Variants in ZNF449 observed in about 807,000 individuals in gnomAD.
ZNF449 encodes the protein zinc finger protein 449, also known as zinc finger and SCAN domain-containing protein 19.
ZNF449 carries 4 observed loss-of-function variants against 32.6 expected under a neutral mutation model. That is an observed-to-expected ratio of 0.12 (90% CI 0.06 to 0.28). The LOEUF (loss-of-function observed/expected upper bound fraction) is 0.28. Among genes scored for constraint, ZNF449 ranks in the 10% least tolerant of loss-of-function variants. ZNF449 has a pLI of 1.00. For synonymous variants in ZNF449, 123 were observed against 132.2 expected (o/e 0.93, Z 0.48); for missense variants, 275 against 383.2 (o/e 0.72, Z 2.36).
intron 3 of ZNF449, among the ~76,000 whole-genome samples, chrX:135,354,368 G>T (rs1340716704): frequency 1.8e-5 from 2 of 112,394 alleles, no homozygotes; most frequent in Admixed American, 1.9e-4. Flanking sequence ...ATATATAAGA[G>T]TAGAGGATGG....
intron 3 of ZNF449, among the ~76,000 whole-genome samples, chrX:135,352,798 C>T (rs1391711711): frequency 1.8e-5 from 2 of 111,701 alleles, no homozygotes; most frequent in African/African-American, 6.5e-5. Context: ...AATGACATTT[C>T]TTGGTGTAGT....
chrX:135,349,952 C>T (rs73557229), intron 3 of ZNF449, among the ~76,000 whole-genome samples: 2,032 of 110,500 alleles, frequency 0.018, 61 homozygotes, highest in African/African-American at 0.063. Context: ...AAAGGCAGCA[C>T]GATCACATAG....
intron 3 of ZNF449, 28 bp from the exon 4 acceptor site, chrX:135,359,864 T>C: frequency 9.3e-7 from 1 of 1,071,668 alleles, no homozygotes; most frequent in South Asian, 1.9e-5. Context: ...AGCCAAACTG[T>C]AATGCTTCCC....
At chrX:135,350,819 G>A (rs1372879387) in intron 3 of ZNF449, among the ~76,000 whole-genome samples, 1 of 112,119 alleles carries the variant, frequency 8.9e-6, no homozygotes, top group East Asian at 2.8e-4. Flanking sequence ...GCTTTTGGCT[G>A]AGAGGGAAGT....
intron 3 of ZNF449, among the ~76,000 whole-genome samples, chrX:135,354,102 GA>G (rs1200948006): frequency 2.7e-5 from 3 of 112,168 alleles, no homozygotes; most frequent in African/African-American, 9.7e-5. Context: ...TAAATTTCTA[GA>G]ATTGGAATTG....
intron 1 of ZNF449, among the ~76,000 whole-genome samples, chrX:135,345,339 G>A (rs1194682762): frequency 8.9e-6 from 1 of 111,935 alleles, no homozygotes; most frequent in African/African-American, 3.3e-5. Context: ...CAATTCCCTG[G>A]TAGACGTGGT....
chrX:135,351,474 G>A (rs2148504355), intron 3 of ZNF449, among the ~76,000 whole-genome samples: 1 of 110,245 alleles, frequency 9.1e-6, no homozygotes, highest in South Asian at 3.9e-4. Flanking sequence ...GGTGGGTCAA[G>A]TTGAGTTTAG....
chrX:135,354,700 C>T (rs782505817), intron 3 of ZNF449, among the ~76,000 whole-genome samples: 1 of 111,405 alleles, frequency 9.0e-6, no homozygotes, highest in Non-Finnish European at 1.9e-5. Context: ...GACAAGGAAC[C>T]AAAGCAAAAG....
At chrX:135,352,126 C>G (rs1246858324) in intron 3 of ZNF449, among the ~76,000 whole-genome samples, 1 of 111,626 alleles carries the variant, frequency 9.0e-6, no homozygotes, top group Non-Finnish European at 1.9e-5. Context: ...GCACAAGATG[C>G]CAGCTGAGTG....
At chrX:135,355,653 A>G (rs1426264895) in intron 3 of ZNF449, among the ~76,000 whole-genome samples, 3 of 112,004 alleles carry the variant, frequency 2.7e-5, no homozygotes, top group African/African-American at 9.7e-5. Flanking sequence ...TCATTTAATG[A>G]TGTCAATATT....
chrX:135,351,198 A>G (rs1556450244), intron 3 of ZNF449, among the ~76,000 whole-genome samples: 2 of 112,136 alleles, frequency 1.8e-5, no homozygotes, highest in Non-Finnish European at 3.8e-5. Context: ...GATACATACT[A>G]CTGAAAGCAG....
chrX:135,353,514 T>C (rs2084899820), intron 3 of ZNF449, among the ~76,000 whole-genome samples: 1 of 111,597 alleles, frequency 9.0e-6, no homozygotes, highest in Non-Finnish European at 1.9e-5. Context: ...ATCTCTTAGC[T>C]ATAGCCAGAG....
Position 135,361,230 on chromosome X carries a change from G to T in ZNF449, c.*154G>T. 2.5e-6 allele frequency: 1 copy of T among 402,031 alleles called. No individual in the cohort carries two copies. The highest frequency in any genetic ancestry group is 4.1e-6 in the Non-Finnish European group (1 of 243,725). The allele number at this position is 402,031 out of a possible 1,213,427, so 33.1% of individuals were successfully genotyped here. Reference sequence around the variant, plus strand: ...CTAGTTTTAAAACCCATCTTCCAAGGTATATGAATTCTAGAGTATTTATCT... The same window carrying T: ...CTAGTTTTAAAACCCATCTTCCAAGTTATATGAATTCTAGAGTATTTATCT... On this transcript the variant is annotated 3_prime_UTR_variant, in exon 5 of 5. Transcript: ENST00000339249.
chrX:135,362,798 A>T lies in ZNF449; in HGVS notation c.*1722A>T, dbSNP rs1237195907. ...GGATCAGGCTCATAAAGATTTTATA[A>T]TATTTTTAGTTAAACAAGAGTTGGG... On this transcript the variant is annotated 3_prime_UTR_variant, in exon 5 of 5. Coordinates refer to ENST00000339249, the MANE Select transcript of ZNF449 (RefSeq NM_152695.6). 4.5e-5 allele frequency: 5 copies of T among 112,037 alleles called. No homozygotes were observed. The Admixed American group carries it at 4.7e-4, about 11-fold the overall frequency. 9.2% of individuals were successfully genotyped at this position (112,037 alleles called of 1,213,427 possible).
chrX:135,352,879 A>G (rs1225943939), intron 3 of ZNF449, among the ~76,000 whole-genome samples: 1 of 112,224 alleles, frequency 8.9e-6, no homozygotes, highest in Non-Finnish European at 1.9e-5. Flanking sequence ...GATGGGGGGA[A>G]CATTCAATGA....
intron 4 of ZNF449, 92 bp from the exon 5 acceptor site, chrX:135,360,101 C>T: frequency 9.2e-7 from 1 of 1,085,912 alleles, no homozygotes. Context: ...TTCTATGTTC[C>T]TGCCACTGGT....
At chrX:135,349,335 C>T (rs1437614387) in intron 3 of ZNF449, 21 bp downstream of exon 3, 1 of 1,198,945 alleles carries the variant, frequency 8.3e-7, no homozygotes, top group African/African-American at 1.7e-5. Flanking sequence ...GGTTTCTCTC[C>T]TTTCTTTTGT....
chrX:135,350,037 T>C (rs1304452792), intron 3 of ZNF449, among the ~76,000 whole-genome samples: 18 of 106,339 alleles, frequency 1.7e-4, no homozygotes, highest in Non-Finnish European at 3.1e-4. Context: ...ACGGGAGTCC[T>C]GCTCTGTCGC....
At chrX:135,354,483 C>T (rs1432229863) in intron 3 of ZNF449, among the ~76,000 whole-genome samples, 4 of 112,163 alleles carry the variant, frequency 3.6e-5, no homozygotes, top group Non-Finnish European at 7.5e-5. Context: ...AAATTGGTGA[C>T]AGTGTCCAGA....
Sources: allele counts gnomAD v4.1 joint callset (sites outside exome capture counted in the v4.1 genomes callset), GRCh38; gene constraint gnomAD v4.1.1; transcripts MANE v1.5; gene names NCBI Gene and HGNC (gene_info 2026-07-23, HGNC 2026-07-21).